The following PRDX6 variants were observed in gnomAD, a reference collection of about 807,000 sequenced individuals.
PRDX6 encodes peroxiredoxin 6.
PRDX6 carries 13 observed loss-of-function variants against 20.0 expected under a neutral mutation model. The observed-to-expected ratio is 0.65, with a 90% CI of 0.42 to 1.03. The LOEUF (loss-of-function observed/expected upper bound fraction) is 1.03. Ranked by LOEUF, PRDX6 falls within the 50% of genes least tolerant of loss-of-function variation. The pLI is 0.00. For missense variants in PRDX6, 203 were observed against 276.9 expected, an observed-to-expected ratio of 0.73 and a Z score of 1.89; for synonymous variants, 85 against 100.8, an observed-to-expected ratio of 0.84 and a Z score of 0.94.
At chr1:173,480,520 A>T (rs1384254706) in intron 1 of PRDX6, among the ~76,000 whole-genome samples, 9 of 152,268 alleles carry the variant, frequency 5.9e-5, no homozygotes, top group African/African-American at 2.2e-4. Flanking sequence ...AATGTGCTCA[A>T]AATTATAAAA....
intron 4 of PRDX6, among the ~76,000 whole-genome samples, 189 bp downstream of exon 4, chr1:173,486,590 C>A (rs1323027863): frequency 1.3e-5 from 2 of 152,130 alleles, no homozygotes; most frequent in African/African-American, 4.8e-5. Flanking sequence ...ATACACAACA[C>A]AAACTCCCTA....
intron 3 of PRDX6, 34 bp downstream of exon 3, chr1:173,485,541 A>G: frequency 6.5e-7 from 1 of 1,544,114 alleles, no homozygotes; most frequent in East Asian, 2.3e-5. Flanking sequence ...TAGTTAGCTT[A>G]ACTGATCAGG....
chr1:173,482,221 G>A (rs1658815465), intron 2 of PRDX6, among the ~76,000 whole-genome samples: 3 of 152,112 alleles, frequency 2.0e-5, no homozygotes, highest in African/African-American at 4.8e-5. Flanking sequence ...ACTTCCCAGG[G>A]ATCTGTGTGA....
chr1:173,485,567 A>G, intron 3 of PRDX6, 60 bp downstream of exon 3: 1 of 1,421,950 alleles, frequency 7.0e-7, no homozygotes, highest in Non-Finnish European at 9.5e-7. Flanking sequence ...TGTCCGTGTA[A>G]ATGCTGGTAC....
intron 2 of PRDX6, among the ~76,000 whole-genome samples, chr1:173,482,262 A>G (rs142462598): frequency 3.0e-4 from 46 of 152,332 alleles, no homozygotes; most frequent in African/African-American, 1.0e-3. Flanking sequence ...GTCTCAACTC[A>G]CAGGACATTT....
Position 173,477,447 on chromosome 1 carries a change from A to G in PRDX6, c.50A>G (p.Asn17Ser), listed in dbSNP as rs200467157. ...GACGTGGCTCCCAACTTTGAGGCCAATACCACCGTCGGCCGCATCCGTTTC... is the reference window on the plus strand; with the variant it reads ...GACGTGGCTCCCAACTTTGAGGCCAGTACCACCGTCGGCCGCATCCGTTTC... ...LGDVAPNFEA[N>S]TTVGRIRFHD... The change falls in exon 1 of 5, where the codon AAT becomes AGT. Residue 17 changes from asparagine (N) to serine (S), a missense_variant. By Grantham distance (46) the Asn-to-Ser change is conservative (BLOSUM62 1). Coordinates refer to ENST00000340385, the MANE Select transcript of PRDX6 (RefSeq NM_004905.3). 3.4e-5 allele frequency: 54 copies of G among 1,608,038 alleles called. No homozygotes were observed. The highest frequency in any genetic ancestry group is 5.5e-5 in the South Asian group (5 of 90,350).
At chr1:173,483,896 T>G in intron 2 of PRDX6, among the ~76,000 whole-genome samples, 1 of 151,040 alleles carries the variant, frequency 6.6e-6, no homozygotes, top group African/African-American at 2.4e-5. Context: ...AGGTTAGGAG[T>G]TCAAGGCCAG....
rs115921097 is a variant in PRDX6 at position 173,486,745 on chromosome 1, C to T, written c.546+344C>T. On this transcript the variant is annotated intron_variant, in intron 4 of 4. Coordinates refer to ENST00000340385, the MANE Select transcript of PRDX6 (RefSeq NM_004905.3). ...TCGCACAATCTTAATTGGCCATTTC[C>T]GTTAAGTCATGGCTGTAAAAGTACT... is the stretch of plus-strand genomic sequence containing the variant. Among the ~76,000 whole-genome samples the T allele has an allele frequency of 9.0e-3, 1,376 of 152,192 alleles. 19 individuals are homozygous for T. The highest frequency in any genetic ancestry group is 0.03 in the African/African-American group (1,260 of 41,528).
At chr1:173,477,949 C>G (rs1252195142) in intron 1 of PRDX6, among the ~76,000 whole-genome samples, 1 of 152,208 alleles carries the variant, frequency 6.6e-6, no homozygotes, top group Non-Finnish European at 1.5e-5. Flanking sequence ...CAGGGTCGCA[C>G]CGCCCTCCCA....
Position 173,481,319 on chromosome 1 carries a change from CT to C in PRDX6, c.96-4del. On this transcript the variant is annotated splice_polypyrimidine_tract_variant and splice_region_variant and intron_variant, in intron 1 of 4. Transcript: ENST00000340385. ...TTCAATTGTGACCTTGTTTTTCTTCCTTTCAGATGGGGCATTCTCTTCTCCC... is the reference window on the plus strand; with the variant it reads ...TTCAATTGTGACCTTGTTTTTCTTCCTTCAGATGGGGCATTCTCTTCTCCC... The C allele has an allele frequency of 1.9e-6, 3 of 1,609,542 alleles. No homozygotes were observed. The highest frequency in any genetic ancestry group is 1.1e-5 in the South Asian group (1 of 90,584).
In PRDX6 at chr1:173,481,622, A is replaced by G. The variant is rs1571396193; in HGVS notation, c.252+140A>G. 53 of 878,362 alleles carry G rather than the reference A, an allele frequency of 6.0e-5. No individual in the cohort carries two copies. The East Asian group carries it at 1.3e-3, about 21-fold the overall frequency. The allele number at this position is 878,362 out of a possible 1,614,324, so 54.4% of individuals were successfully genotyped here. A position where few individuals can be genotyped will look rare whatever the true frequency, so the allele number is the denominator to read the frequency against. On this transcript the variant is annotated intron_variant, in intron 2 of 4. Transcript: ENST00000340385. ...ATTATTTGAAAATTTCAGTTGAACC[A>G]CACAGTGATCACATTGCTAAATCCA...
At chr1:173,477,814 A>G (rs1253209896) in intron 1 of PRDX6, among the ~76,000 whole-genome samples, 2 of 152,092 alleles carry the variant, frequency 1.3e-5, no homozygotes, top group Middle Eastern at 3.4e-3. Context: ...GGTTCTGGAA[A>G]CTCACCGCCC....
At chr1:173,483,875 G>C (rs1658845681) in intron 2 of PRDX6, among the ~76,000 whole-genome samples, 1 of 151,932 alleles carries the variant, frequency 6.6e-6, no homozygotes, top group Admixed American at 6.6e-5. Flanking sequence ...GGCTGAGGCA[G>C]GTGGATCACA....
At chr1:173,480,114 A>G (rs1471863692) in intron 1 of PRDX6, among the ~76,000 whole-genome samples, 2 of 152,202 alleles carry the variant, frequency 1.3e-5, no homozygotes, top group Non-Finnish European at 2.9e-5. Flanking sequence ...TTTGCCCTTC[A>G]TAGTAAAGTG....
intron 2 of PRDX6, 101 bp downstream of exon 2, chr1:173,481,583 T>G (rs1658801956): frequency 8.2e-7 from 1 of 1,221,250 alleles, no homozygotes; most frequent in Admixed American, 2.1e-5. Context: ...AAGCCTTAGG[T>G]TCAAAGTTCA....
chr1:173,486,213 CT>C (rs773730356), intron 3 of PRDX6, 41 bp from the exon 4 acceptor site: 259 of 1,527,266 alleles, frequency 1.7e-4, no homozygotes, highest in Non-Finnish European at 2.2e-4. Context: ...TTTAATAACA[CT>C]CAAAGAACTC....
chr1:173,481,265 TTC>T, intron 1 of PRDX6, 59 bp from the exon 2 acceptor site: 1 of 1,474,688 alleles, frequency 6.8e-7, no homozygotes, highest in South Asian at 1.2e-5. Flanking sequence ...TGACTTTTCA[TTC>T]TCTGTGATGT....
intron 2 of PRDX6, among the ~76,000 whole-genome samples, chr1:173,483,965 G>A (rs950931081): frequency 6.6e-6 from 1 of 151,268 alleles, no homozygotes; most frequent in Middle Eastern, 3.2e-3. Flanking sequence ...ATTAGCCGGT[G>A]TGGTGGCGGG....
At chr1:173,485,709 A>C (rs1010974723) in intron 3 of PRDX6, among the ~76,000 whole-genome samples, 1 of 152,216 alleles carries the variant, frequency 6.6e-6, no homozygotes, top group Non-Finnish European at 1.5e-5. Flanking sequence ...AGTTCATGGA[A>C]ATCTACAAAA....
Sources: allele counts gnomAD v4.1 joint callset (sites outside exome capture counted in the v4.1 genomes callset), GRCh38; gene constraint gnomAD v4.1.1; transcripts MANE v1.5; gene names NCBI Gene and HGNC (gene_info 2026-07-23, HGNC 2026-07-21).